Variants in CTNNA3 observed in about 807,000 individuals in gnomAD.
The protein encoded by CTNNA3 is catenin alpha-3.
In CTNNA3, 76 loss-of-function variants were observed where a neutral mutation model predicts 95.7. The ratio of observed to expected loss-of-function variants is 0.79; its 90% confidence interval spans 0.66 to 0.96. The LOEUF is 0.96. CTNNA3 is among the 40% of genes least tolerant of loss of function. The pLI, the probability that CTNNA3 is intolerant of heterozygous loss-of-function variation, is 0.00. For synonymous variants in CTNNA3, 431 were observed against 374.4 expected (o/e 1.15, Z -1.74); for missense variants, 1,191 against 1,089.8 (o/e 1.09, Z -1.31).
At chr10:66,689,282 A>G (rs10997305) in intron 9 of CTNNA3, among the ~76,000 whole-genome samples, 27,096 of 152,084 alleles carry the variant, frequency 0.18, 3,053 homozygotes, top group East Asian at 0.33. Flanking sequence ...AGCAGAACTG[A>G]GTATCAAGAC....
At chr10:67,407,893 A>C (rs925424442) in intron 5 of CTNNA3, among the ~76,000 whole-genome samples, 7 of 152,150 alleles carry the variant, frequency 4.6e-5, no homozygotes, top group African/African-American at 1.7e-4. Flanking sequence ...AGAACTACAA[A>C]CCACTGCTCA....
chr10:67,019,482 T>G (rs895378979), intron 7 of CTNNA3, among the ~76,000 whole-genome samples: 1 of 152,174 alleles, frequency 6.6e-6, no homozygotes, highest in Non-Finnish European at 1.5e-5. Context: ...CCTCCCAAAG[T>G]GCTAGGATTA....
chr10:67,267,545 T>C (rs1866879910), intron 5 of CTNNA3, among the ~76,000 whole-genome samples: 1 of 152,064 alleles, frequency 6.6e-6, no homozygotes, highest in African/African-American at 2.4e-5. Context: ...TTTTGTATTT[T>C]TTAGTAGAGA....
chr10:66,338,698 G>A (rs977508587), intron 12 of CTNNA3, among the ~76,000 whole-genome samples: 3 of 151,820 alleles, frequency 2.0e-5, no homozygotes, highest in African/African-American at 7.2e-5. Flanking sequence ...AGGGAGGCAG[G>A]TTGTTAACTG....
At chr10:67,295,932 G>T (rs899065783) in intron 5 of CTNNA3, among the ~76,000 whole-genome samples, 1 of 151,986 alleles carries the variant, frequency 6.6e-6, no homozygotes, top group Non-Finnish European at 1.5e-5. Context: ...ACACATGCAG[G>T]GCCACTACCT....
chr10:67,044,638 A>G (rs991471732), intron 7 of CTNNA3, among the ~76,000 whole-genome samples: 7 of 152,190 alleles, frequency 4.6e-5, no homozygotes, highest in Admixed American at 4.6e-4. Flanking sequence ...TGTTATATTA[A>G]GTTTGTGAAA....
At chr10:66,665,957 G>T (rs987787701) in intron 9 of CTNNA3, among the ~76,000 whole-genome samples, 2 of 152,080 alleles carry the variant, frequency 1.3e-5, no homozygotes, top group African/African-American at 4.8e-5. Context: ...GGTGGGGAAG[G>T]TTAGACAATA....
intron 15 of CTNNA3, among the ~76,000 whole-genome samples, chr10:66,068,088 G>A (rs1475187619): frequency 1.3e-5 from 2 of 152,070 alleles, no homozygotes; most frequent in East Asian, 3.9e-4. Flanking sequence ...TCAACACGAT[G>A]CTCTGTACCA....
chr10:66,876,209 G>A (rs6480229), intron 7 of CTNNA3, among the ~76,000 whole-genome samples: 64,876 of 151,824 alleles, frequency 0.43, 14,158 homozygotes, highest in Non-Finnish European at 0.46. Flanking sequence ...TAAGAATTCC[G>A]CTCTGAAAAC....
At chr10:66,667,263 A>G (rs1196015904) in intron 9 of CTNNA3, among the ~76,000 whole-genome samples, 2 of 151,738 alleles carry the variant, frequency 1.3e-5, no homozygotes, top group African/African-American at 4.8e-5. Context: ...TGCCCTTGTT[A>G]GGTTTTATCT....
chr10:67,699,215 C>T (rs1335763928), upstream of CTNNA3, among the ~76,000 whole-genome samples: 1 of 152,272 alleles, frequency 6.6e-6, no homozygotes, highest in East Asian at 1.9e-4. Context: ...TTCAAACAAA[C>T]AAAACATACT....
At chr10:67,134,812 G>A (rs545641424) in intron 7 of CTNNA3, among the ~76,000 whole-genome samples, 55 of 152,178 alleles carry the variant, frequency 3.6e-4, no homozygotes, top group Non-Finnish European at 6.8e-4. Context: ...GTTAGTTCAG[G>A]ATATGGGATA....
At chr10:66,278,100 T>C (rs1160036529) in intron 13 of CTNNA3, among the ~76,000 whole-genome samples, 2 of 149,984 alleles carry the variant, frequency 1.3e-5, no homozygotes, top group Non-Finnish European at 1.5e-5. Context: ...ATAAATCATA[T>C]GAAGAATCAT....
At chr10:66,466,530 T>C (rs1838924018) in intron 11 of CTNNA3, among the ~76,000 whole-genome samples, 1 of 152,040 alleles carries the variant, frequency 6.6e-6, no homozygotes, top group Non-Finnish European at 1.5e-5. Flanking sequence ...TTTACTACCA[T>C]TTCCCCCCTC....
chr10:66,739,727 C>G (rs994636868), intron 9 of CTNNA3, among the ~76,000 whole-genome samples: 1 of 152,030 alleles, frequency 6.6e-6, no homozygotes, highest in Non-Finnish European at 1.5e-5. Context: ...CTGGAATAAA[C>G]TTGTTTTTAG....
intron 13 of CTNNA3, among the ~76,000 whole-genome samples, chr10:66,211,983 GTTTTTTTT>G (rs61453326): frequency 6.3e-5 from 6 of 95,012 alleles, no homozygotes; most frequent in African/African-American, 2.7e-4. Flanking sequence ...TTGTTTTTGG[GTTTTTTTT>G]TTTTTTTTTT....
At chr10:67,415,940 C>A (rs1845524149) in intron 5 of CTNNA3, among the ~76,000 whole-genome samples, 1 of 152,094 alleles carries the variant, frequency 6.6e-6, no homozygotes, top group Admixed American at 6.6e-5. Context: ...AACTGGCTAG[C>A]CATATGCAGA....
chr10:66,845,710 A>ATAAATAAATAAATAAAT (rs1248827088), intron 7 of CTNNA3, among the ~76,000 whole-genome samples: 4,926 of 85,638 alleles, frequency 0.058, 697 homozygotes, highest in Non-Finnish European at 0.082. Context: ...TCTCAAAAAA[A>ATAAATAAATAAATAAAT]AAAAAAAAAA....
chr10:66,914,818 A>T (rs1048387602), intron 7 of CTNNA3, among the ~76,000 whole-genome samples: 8 of 152,188 alleles, frequency 5.3e-5, no homozygotes, highest in Admixed American at 5.2e-4. Flanking sequence ...GCATAAAAGA[A>T]TGCACATGAA....
Sources: allele counts gnomAD v4.1 joint callset (sites outside exome capture counted in the v4.1 genomes callset), GRCh38; gene constraint gnomAD v4.1.1; transcripts MANE v1.5; gene names NCBI Gene and HGNC (gene_info 2026-07-23, HGNC 2026-07-21).